The following TWSG1 variants were observed in gnomAD, a reference collection of about 807,000 sequenced individuals.
TWSG1 encodes the protein twisted gastrulation BMP signaling modulator 1.
A neutral mutation model predicts 23.0 loss-of-function variants in TWSG1; 15 were observed. The ratio of observed to expected loss-of-function variants is 0.65; its 90% CI spans 0.44 to 1.00. The LOEUF (loss-of-function observed/expected upper bound fraction) is 1.00. Among genes scored for constraint, TWSG1 ranks in the 50% least tolerant of loss-of-function variants. The pLI, the probability that TWSG1 is intolerant of heterozygous loss-of-function variation, is 0.00. For missense variants in TWSG1, 242 were observed against 278.7 expected (o/e 0.87, Z 0.94); for synonymous variants, 86 against 92.8 (o/e 0.93, Z 0.42).
At chr18:9,354,334 G>A (rs150498473) in intron 2 of TWSG1, among the ~76,000 whole-genome samples, 144 of 152,306 alleles carry the variant, frequency 9.5e-4, no homozygotes, top group African/African-American at 3.1e-3. Flanking sequence ...TTTGGGGGAG[G>A]TGGTAGCAGT....
Position 9,337,368 on chromosome 18 carries a change from C to T in TWSG1, c.123+16C>T. ...CCTCATTCAGGTAGGACTAAGAGTACTTTTATTAATATCAAAATATATTGT... is the reference window on the plus strand; with the variant it reads ...CCTCATTCAGGTAGGACTAAGAGTATTTTTATTAATATCAAAATATATTGT... On this transcript the variant is annotated intron_variant, in intron 2 of 4. Transcript: ENST00000262120. 1.2e-6 allele frequency: 2 copies of T among 1,610,772 alleles called. No homozygotes were observed. Among genetic ancestry groups the T allele is most frequent in the Non-Finnish European group, 1.7e-6 (2 of 1,179,186 alleles).
rs867575042 is a variant in TWSG1, at chr18:9,343,254, A to C, written c.123+5902A>C. 1.0e-3 allele frequency among the ~76,000 whole-genome samples: 55 copies of C among 52,904 alleles called. 1 individual carries two copies. The highest frequency in any genetic ancestry group is 3.0e-3 in the African/African-American group (46 of 15,394). The allele number at this position is 52,904 out of a possible 152,430, so 34.7% of individuals were successfully genotyped here. A position where few individuals can be genotyped will look rare whatever the true frequency, so the allele number is the denominator to read the frequency against. ...TATATATATATATATATATATATAT[A>C]TATATATCTTGTCCTAACATACATA... On this transcript the variant is annotated intron_variant, in intron 2 of 4. Coordinates refer to ENST00000262120, the MANE Select transcript of TWSG1 (RefSeq NM_020648.6).
intron 3 of TWSG1, among the ~76,000 whole-genome samples, chr18:9,366,123 C>G (rs1235592056): frequency 7.9e-5 from 12 of 152,174 alleles, no homozygotes; most frequent in Non-Finnish European, 1.3e-4. Context: ...TTCAGTGGTG[C>G]ACTGTTTGTA....
intron 3 of TWSG1, among the ~76,000 whole-genome samples, chr18:9,368,613 G>A (rs1473534540): frequency 6.6e-6 from 1 of 152,110 alleles, no homozygotes; most frequent in Non-Finnish European, 1.5e-5. Context: ...AGGAGTTCAA[G>A]ATCAGGCTGG....
intron 3 of TWSG1, among the ~76,000 whole-genome samples, chr18:9,376,587 A>T (rs554529003): frequency 6.6e-6 from 1 of 152,230 alleles, no homozygotes; most frequent in South Asian, 2.1e-4. Flanking sequence ...CACGCCTGTA[A>T]TCTCACCCCT....
In TWSG1 at chr18:9,400,950, G is replaced by A. The variant is rs1027699416; in HGVS notation, c.*1423G>A. On this transcript the variant is annotated 3_prime_UTR_variant, in exon 5 of 5. Coordinates refer to ENST00000262120, the MANE Select transcript of TWSG1 (RefSeq NM_020648.6). ...ACTTTTTAGGAATACCTCTTTATAC[G>A]TCTACATATTTTAGTATATAAAAAT... is the stretch of plus-strand genomic sequence containing the variant. 2.6e-5 allele frequency: 4 copies of A among 151,862 alleles called. No individual in the cohort carries two copies. Among genetic ancestry groups the A allele is most frequent in the Non-Finnish European group, 4.4e-5 (3 of 67,976 alleles). The allele number at this position is 151,862 out of a possible 1,614,324, so 9.4% of individuals were successfully genotyped here. A position where few individuals can be genotyped will look rare whatever the true frequency, so the allele number is the denominator to read the frequency against.
intron 3 of TWSG1, among the ~76,000 whole-genome samples, chr18:9,374,178 G>C (rs968470078): frequency 6.6e-6 from 1 of 151,926 alleles, no homozygotes; most frequent in African/African-American, 2.4e-5. Context: ...CAGAAGAAAA[G>C]AAGTAATACA....
At chr18:9,358,491 A>G (rs1194257068) in intron 2 of TWSG1, among the ~76,000 whole-genome samples, 1 of 152,196 alleles carries the variant, frequency 6.6e-6, no homozygotes, top group Non-Finnish European at 1.5e-5. Context: ...GGTGGGAATC[A>G]AAGGCAGGTA....
In TWSG1 at chr18:9,393,610, T is replaced by C. The variant is rs560526218; in HGVS notation, c.224-2670T>C. Among the ~76,000 whole-genome samples, 10 of 152,282 alleles carry C rather than the reference T, an allele frequency of 6.6e-5. 1 individual carries two copies. The East Asian group carries it at 1.9e-3, about 29-fold the overall frequency. The stretch of plus-strand genomic sequence containing the variant: ...TCTTACTCTGTCACCCAGGCTGGAG[T>C]GCAGTGGCACAGTCATAGTTCACTG... On this transcript the variant is annotated intron_variant, in intron 3 of 4. Transcript: ENST00000262120.
intron 2 of TWSG1, among the ~76,000 whole-genome samples, chr18:9,346,281 A>G (rs2040477116): frequency 6.6e-6 from 1 of 152,218 alleles, no homozygotes; most frequent in African/African-American, 2.4e-5. Context: ...ACTTAGCAGT[A>G]TACATTTAAG....
intron 3 of TWSG1, among the ~76,000 whole-genome samples, chr18:9,391,645 T>A (rs905012341): frequency 6.6e-6 from 1 of 152,206 alleles, no homozygotes; most frequent in African/African-American, 2.4e-5. Flanking sequence ...ATAACAGTTA[T>A]AATAATAATG....
At chr18:9,387,785 AAAG>A (rs2040692645) in intron 3 of TWSG1, among the ~76,000 whole-genome samples, 1 of 151,934 alleles carries the variant, frequency 6.6e-6, no homozygotes, top group East Asian at 1.9e-4. Flanking sequence ...AAAAAAAAAA[AAAG>A]CAAATTGCAG....
At chr18:9,384,647 CTT>C (rs577142474) in intron 3 of TWSG1, among the ~76,000 whole-genome samples, 52 of 141,874 alleles carry the variant, frequency 3.7e-4, no homozygotes, top group Admixed American at 4.2e-4. Flanking sequence ...TGTGCTTTCC[CTT>C]TTTTTTTTTT....
chr18:9,392,038 T>C (rs780551235), intron 3 of TWSG1, among the ~76,000 whole-genome samples: 2 of 152,238 alleles, frequency 1.3e-5, no homozygotes, highest in Non-Finnish European at 2.9e-5. Flanking sequence ...AGGGTAGGTT[T>C]AGCATAAATC....
chr18:9,381,474 C>T (rs1299415001), intron 3 of TWSG1, among the ~76,000 whole-genome samples: 1 of 152,100 alleles, frequency 6.6e-6, no homozygotes, highest in African/African-American at 2.4e-5. Flanking sequence ...TTAATATATT[C>T]AGCATTTTAA....
At chr18:9,343,213 TA>T (rs2040454645) in intron 2 of TWSG1, among the ~76,000 whole-genome samples, 6 of 1,810 alleles carry the variant, frequency 3.3e-3, no homozygotes, top group East Asian at 0.038. Context: ...TTTTTTGTTA[TA>T]TATATATATA....
intron 3 of TWSG1, among the ~76,000 whole-genome samples, chr18:9,367,025 G>A (rs936330414): frequency 1.2e-4 from 18 of 152,016 alleles, no homozygotes; most frequent in African/African-American, 4.1e-4. Context: ...ACACCTCACT[G>A]CAGCCGCAAC....
At chr18:9,362,866 A>C (rs896158897) in intron 3 of TWSG1, among the ~76,000 whole-genome samples, 1 of 152,196 alleles carries the variant, frequency 6.6e-6, no homozygotes, top group Non-Finnish European at 1.5e-5. Context: ...TTAAACTTTG[A>C]GTAAGTTCAT....
At chr18:9,356,406 A>G (rs2040527107) in intron 2 of TWSG1, among the ~76,000 whole-genome samples, 2 of 152,188 alleles carry the variant, frequency 1.3e-5, no homozygotes, top group South Asian at 2.1e-4. Flanking sequence ...TCTAGTTTAA[A>G]ACACTTCACA....
Sources: allele counts gnomAD v4.1 joint callset (sites outside exome capture counted in the v4.1 genomes callset), GRCh38; gene constraint gnomAD v4.1.1; transcripts MANE v1.5; gene names NCBI Gene and HGNC (gene_info 2026-07-23, HGNC 2026-07-21).